Variants in SAMD5 observed in about 807,000 individuals in gnomAD.
The protein encoded by SAMD5 is sterile alpha motif domain containing 5, also known as sterile alpha motif domain-containing protein 5.
In SAMD5, 13 loss-of-function variants were observed where a neutral mutation model predicts 11.3. The observed-to-expected ratio is 1.15, with a 90% CI of 0.75 to 1.83. The LOEUF (loss-of-function observed/expected upper bound fraction) is 1.83, where lower values mean the gene tolerates loss of function less well. Among genes scored for constraint, SAMD5 ranks in the 40% most tolerant of loss-of-function variants. The pLI, the probability that SAMD5 is intolerant of heterozygous loss-of-function variation, is 0.00. For synonymous variants in SAMD5, 129 were observed against 111.3 expected (o/e 1.16, Z -1.00); for missense variants, 255 against 239.1 (o/e 1.07, Z -0.44).
Position 147,617,677 on chromosome 6 carries a change from T to G in SAMD5, c.162+108290T>G, listed in dbSNP as rs527549146. Among the ~76,000 whole-genome samples the G allele has an allele frequency of 4.9e-4, 75 of 152,328 alleles. 1 individual carries two copies. Among genetic ancestry groups the G allele is most frequent in the African/African-American group, 1.8e-3 (73 of 41,594 alleles). On this transcript the variant is annotated intron_variant, in intron 1 of 1. Transcript: ENST00000566741. ...GGGTCTCTTTCTCCACTGTGTCACATGCAGAACTCATCACACTGTCCTGGA... is the reference window on the plus strand; with the variant it reads ...GGGTCTCTTTCTCCACTGTGTCACAGGCAGAACTCATCACACTGTCCTGGA...
At chr6:147,761,626 T>C in the SAMD5 span, among the ~76,000 whole-genome samples, 1 of 152,222 alleles carries the variant, frequency 6.6e-6, no homozygotes, top group African/African-American at 2.4e-5. Context: ...TTTACAAATG[T>C]GCTGGATTCT....
intron 1 of SAMD5, among the ~76,000 whole-genome samples, chr6:147,713,351 C>T (rs1791424861): frequency 6.6e-6 from 1 of 152,130 alleles, no homozygotes; most frequent in African/African-American, 2.4e-5. Flanking sequence ...GATTTATATA[C>T]CCTGGGTTCC....
the SAMD5 span, among the ~76,000 whole-genome samples, chr6:147,824,835 G>A: frequency 6.6e-6 from 1 of 152,084 alleles, no homozygotes; most frequent in Admixed American, 6.5e-5. Flanking sequence ...CCTTCATTCA[G>A]TGCATATTTA....
chr6:147,855,566 G>A, the SAMD5 span, among the ~76,000 whole-genome samples: 2 of 152,046 alleles, frequency 1.3e-5, no homozygotes, highest in Non-Finnish European at 2.9e-5. Context: ...AGACTTTCAA[G>A]CATAAAATAA....
intron 1 of SAMD5, among the ~76,000 whole-genome samples, chr6:147,677,209 A>T (rs1343212645): frequency 6.6e-6 from 1 of 152,142 alleles, no homozygotes; most frequent in African/African-American, 2.4e-5. Flanking sequence ...TCTGTATTGG[A>T]CAAGGCTAGG....
At chr6:147,859,721 C>T in the SAMD5 span, among the ~76,000 whole-genome samples, 8 of 152,098 alleles carry the variant, frequency 5.3e-5, no homozygotes, top group East Asian at 1.2e-3. Context: ...CCTAATGAAG[C>T]GTACAGTTCT....
chr6:147,747,314 G>A, the SAMD5 span, among the ~76,000 whole-genome samples: 2 of 152,162 alleles, frequency 1.3e-5, no homozygotes, highest in Non-Finnish European at 2.9e-5. Flanking sequence ...AGTGGTCTAG[G>A]CCCTGAGGGA....
chr6:147,532,609 T>G lies in SAMD5; in HGVS notation c.459+23222T>G, dbSNP rs1788446642. On this transcript the variant is annotated intron_variant, in intron 1 of 1. Transcript: ENST00000367474. ...TATAAACAAGTTTGTGCATGTGTCT[T>G]TTTCATATAAAGACTTCTTTTCCTT... Among the ~76,000 whole-genome samples, 3 of 152,372 alleles carry G rather than the reference T, an allele frequency of 2.0e-5. No individual in the cohort carries two copies. In the South Asian group the frequency reaches 6.2e-4, roughly 32 times the overall value.
At chr6:147,580,575 G>T (rs1789282391) in intron 1 of SAMD5, among the ~76,000 whole-genome samples, 1 of 152,232 alleles carries the variant, frequency 6.6e-6, no homozygotes, top group South Asian at 2.1e-4. Context: ...AGCTAGCCAT[G>T]TGTGGACGCT....
the SAMD5 span, among the ~76,000 whole-genome samples, chr6:147,909,601 T>TC: frequency 1.4e-5 from 1 of 71,676 alleles, no homozygotes; most frequent in Non-Finnish European, 2.5e-5. Flanking sequence ...TCTTTCTTTC[T>TC]TTCTTTCTTT....
chr6:147,631,450 T>C (rs6926747), intron 1 of SAMD5, among the ~76,000 whole-genome samples: 72,211 of 151,858 alleles, frequency 0.48, 17,649 homozygotes, highest in Middle Eastern at 0.57. Flanking sequence ...TTTGAAAGAC[T>C]GTTAGTTCGT....
intron 1 of SAMD5, among the ~76,000 whole-genome samples, chr6:147,553,840 T>C (rs1014331155): frequency 6.6e-6 from 1 of 152,178 alleles, no homozygotes; most frequent in African/African-American, 2.4e-5. Context: ...GCATGTTTTT[T>C]TTTTCTGAAA....
At chr6:147,889,309 C>T in the SAMD5 span, among the ~76,000 whole-genome samples, 3 of 152,104 alleles carry the variant, frequency 2.0e-5, no homozygotes, top group African/African-American at 7.2e-5. Context: ...TATTTTTAAT[C>T]ATTAGAAGTT....
chr6:147,641,291 C>T (rs746805338), intron 1 of SAMD5, among the ~76,000 whole-genome samples: 16 of 152,124 alleles, frequency 1.1e-4, no homozygotes, highest in African/African-American at 2.4e-4. Context: ...TAATGGGCTT[C>T]GGCAGCACAT....
intron 1 of SAMD5, among the ~76,000 whole-genome samples, chr6:147,705,300 A>T (rs1161304619): frequency 6.6e-6 from 1 of 152,182 alleles, no homozygotes; most frequent in Non-Finnish European, 1.5e-5. Context: ...TATAAAGTTA[A>T]CTATATACTT....
chr6:147,822,518 A>T, the SAMD5 span, among the ~76,000 whole-genome samples: 1 of 152,224 alleles, frequency 6.6e-6, no homozygotes, highest in African/African-American at 2.4e-5. Flanking sequence ...CCAAGTCACA[A>T]CATAAATATG....
intron 1 of SAMD5, among the ~76,000 whole-genome samples, chr6:147,602,856 G>C (rs1335103274): frequency 6.6e-6 from 1 of 152,030 alleles, no homozygotes; most frequent in Non-Finnish European, 1.5e-5. Flanking sequence ...AAATAGAAGA[G>C]AGAAATATTC....
the SAMD5 span, among the ~76,000 whole-genome samples, chr6:147,896,255 G>T: frequency 6.6e-6 from 1 of 152,010 alleles, no homozygotes; most frequent in East Asian, 1.9e-4. Context: ...GTGTGTCAGG[G>T]ATAAGACGGC....
chr6:147,896,763 A>G, the SAMD5 span, among the ~76,000 whole-genome samples: 1 of 141,394 alleles, frequency 7.1e-6, no homozygotes, highest in Admixed American at 7.1e-5. Context: ...AAAAAAAAAA[A>G]CGCATCACCA....
Sources: gnomAD v4.1 joint callset for allele counts (sites outside exome capture counted in the v4.1 genomes callset) on GRCh38, gnomAD v4.1.1 for gene constraint, MANE v1.5 for transcripts, NCBI Gene and HGNC (gene_info 2026-07-23, HGNC 2026-07-21) for gene names.